The following ADK variants were observed in gnomAD, a reference collection of about 807,000 sequenced individuals.
ADK encodes N6,N6-dimethyladenosine kinase.
A neutral mutation model predicts 44.7 loss-of-function variants in ADK; 24 were observed. The ratio of observed to expected loss-of-function variants is 0.54; its 90% CI spans 0.39 to 0.76. ADK has a LOEUF of 0.76. ADK is among the 30% of genes least tolerant of loss of function. ADK has a pLI of 0.00. For missense variants in ADK, 321 were observed against 425.1 expected, an observed-to-expected ratio of 0.76 and a Z score of 2.15; for synonymous variants, 128 against 142.6, an observed-to-expected ratio of 0.90 and a Z score of 0.73.
intron 3 of ADK, among the ~76,000 whole-genome samples, chr10:74,239,821 T>A (rs578222112): frequency 6.6e-6 from 1 of 152,068 alleles, no homozygotes; most frequent in Admixed American, 6.5e-5. Flanking sequence ...TATGTAAGGA[T>A]GTTTAGTATA....
intron 10 of ADK, 139 bp from the exon 11 acceptor site, chr10:74,708,182 C>A: frequency 1.2e-6 from 1 of 821,924 alleles, no homozygotes; most frequent in Middle Eastern, 3.3e-4. Flanking sequence ...ACCTCCCTAA[C>A]GGTAACGCAC....
chr10:74,519,130 G>A (rs538143245), intron 6 of ADK, among the ~76,000 whole-genome samples: 14 of 151,760 alleles, frequency 9.2e-5, no homozygotes, highest in Admixed American at 2.6e-4. Flanking sequence ...ATTATATACC[G>A]TATTAGACAT....
intron 3 of ADK, among the ~76,000 whole-genome samples, chr10:74,266,061 A>G (rs910812456): frequency 1.3e-5 from 2 of 152,162 alleles, no homozygotes; most frequent in Non-Finnish European, 2.9e-5. Flanking sequence ...GTTGATGTGT[A>G]TGTATATATA....
intron 7 of ADK, among the ~76,000 whole-genome samples, chr10:74,535,650 A>T (rs1849424881): frequency 6.9e-6 from 1 of 144,972 alleles, no homozygotes; most frequent in Non-Finnish European, 1.5e-5. Flanking sequence ...TGGCACCATC[A>T]CAGCTCACTG....
intron 7 of ADK, among the ~76,000 whole-genome samples, chr10:74,550,760 T>C (rs1401762568): frequency 1.3e-5 from 2 of 152,214 alleles, no homozygotes; most frequent in Non-Finnish European, 2.9e-5. Flanking sequence ...GTACTTGTAA[T>C]TTTAATTTTA....
chr10:74,414,060 A>G (rs1844282146), intron 6 of ADK, among the ~76,000 whole-genome samples: 1 of 152,208 alleles, frequency 6.6e-6, no homozygotes, highest in African/African-American at 2.4e-5. Context: ...TTACAATAAT[A>G]ATATCATAGA....
At chr10:74,197,142 G>T (rs1381494084) in intron 1 of ADK, among the ~76,000 whole-genome samples, 3 of 152,146 alleles carry the variant, frequency 2.0e-5, no homozygotes, top group African/African-American at 7.2e-5. Flanking sequence ...TAAGGCTAGA[G>T]AAATATATTG....
chr10:74,410,824 T>A (rs1043896708), intron 6 of ADK, among the ~76,000 whole-genome samples: 2 of 152,238 alleles, frequency 1.3e-5, no homozygotes, highest in Non-Finnish European at 2.9e-5. Context: ...GATTTTTTTT[T>A]ATAATTTAAG....
intron 8 of ADK, among the ~76,000 whole-genome samples, chr10:74,599,869 T>C (rs1327068352): frequency 6.6e-6 from 1 of 152,166 alleles, no homozygotes; most frequent in African/African-American, 2.4e-5. Flanking sequence ...AAGAACTGTA[T>C]TTTTTCCAAA....
intron 9 of ADK, among the ~76,000 whole-genome samples, chr10:74,615,441 C>A (rs1852715973): frequency 6.6e-6 from 1 of 152,120 alleles, no homozygotes; most frequent in Non-Finnish European, 1.5e-5. Flanking sequence ...ATGTAACCAC[C>A]ACCATAGTTA....
At chr10:74,177,124 C>T (rs943314872) in intron 1 of ADK, among the ~76,000 whole-genome samples, 3 of 152,128 alleles carry the variant, frequency 2.0e-5, no homozygotes, top group African/African-American at 7.2e-5. Flanking sequence ...TGACCCTCGC[C>T]CAAATTCCAG....
At chr10:74,415,521 A>G (rs906124184) in intron 6 of ADK, among the ~76,000 whole-genome samples, 10 of 152,302 alleles carry the variant, frequency 6.6e-5, no homozygotes, top group Admixed American at 2.0e-4. Context: ...TTTATAGTTT[A>G]ATATGATTTA....
intron 3 of ADK, among the ~76,000 whole-genome samples, chr10:74,268,759 A>G (rs1349896664): frequency 6.6e-6 from 1 of 152,214 alleles, no homozygotes; most frequent in Non-Finnish European, 1.5e-5. Flanking sequence ...GCTGAAAATG[A>G]CAGTTGGTAG....
chr10:74,438,385 C>T (rs1338493193), intron 6 of ADK, among the ~76,000 whole-genome samples: 1 of 143,564 alleles, frequency 7.0e-6, no homozygotes, highest in Admixed American at 7.1e-5. Context: ...TCACCACATC[C>T]GGCTAATTTT....
chr10:74,429,585 A>G (rs968390482), intron 6 of ADK, among the ~76,000 whole-genome samples: 1 of 152,208 alleles, frequency 6.6e-6, no homozygotes, highest in African/African-American at 2.4e-5. Context: ...CAAGTTAGGT[A>G]TAATATTAAT....
intron 1 of ADK, among the ~76,000 whole-genome samples, chr10:74,180,694 A>G (rs1217072168): frequency 6.6e-6 from 1 of 151,924 alleles, no homozygotes; most frequent in East Asian, 1.9e-4. Flanking sequence ...TCCTGACCTC[A>G]TGATCTGCCC....
intron 6 of ADK, among the ~76,000 whole-genome samples, chr10:74,517,110 A>G (rs547229570): frequency 1.3e-5 from 2 of 152,270 alleles, no homozygotes; most frequent in African/African-American, 4.8e-5. Context: ...TGGGAGCACA[A>G]TTAAAGATGA....
intron 10 of ADK, among the ~76,000 whole-genome samples, chr10:74,684,052 C>T (rs1299567032): frequency 2.0e-5 from 3 of 152,182 alleles, no homozygotes; most frequent in Admixed American, 1.3e-4. Flanking sequence ...GTTCTTAGCA[C>T]AGTGTCAGGG....
intron 7 of ADK, among the ~76,000 whole-genome samples, chr10:74,559,116 C>A (rs1445424855): frequency 6.6e-6 from 1 of 152,228 alleles, no homozygotes; most frequent in African/African-American, 2.4e-5. Flanking sequence ...ATGCTCTGGG[C>A]TTCCCTGGAA....
Sources: allele counts gnomAD v4.1 joint callset (sites outside exome capture counted in the v4.1 genomes callset), GRCh38; gene constraint gnomAD v4.1.1; transcripts MANE v1.5; gene names NCBI Gene and HGNC (gene_info 2026-07-23, HGNC 2026-07-21).